CRLF1: variants seen among roughly 807,000 people sequenced by gnomAD.
CRLF1 encodes the protein cytokine receptor like factor 1.
Under a neutral mutation model 48.9 loss-of-function variants are expected in CRLF1, and 36 were observed. That is an observed-to-expected ratio of 0.74 (90% CI 0.56 to 0.97). CRLF1 has a LOEUF of 0.97. CRLF1 is among the 50% of genes least tolerant of loss of function. The pLI is 0.00. For missense variants in CRLF1, 534 were observed against 575.1 expected, an observed-to-expected ratio of 0.93 and a Z score of 0.73; for synonymous variants, 256 against 253.4, an observed-to-expected ratio of 1.01 and a Z score of -0.10.
At chr19:18,595,336 C>T (rs756429590) in intron 6 of CRLF1, among the ~76,000 whole-genome samples, 14 of 152,360 alleles carry the variant, frequency 9.2e-5, no homozygotes, top group African/African-American at 2.9e-4. Flanking sequence ...CGCTTGCTCC[C>T]GCCCACCCCT....
Position 18,596,886 on chromosome 19 carries a change from G to A in CRLF1, c.855+6C>T, listed in dbSNP as rs750546273. 1.9e-6 allele frequency: 3 copies of A among 1,613,966 alleles called. No individual in the cohort carries two copies. The highest frequency in any genetic ancestry group is 2.5e-6 in the Non-Finnish European group (3 of 1,179,958). On this transcript the variant is annotated splice_donor_region_variant and intron_variant, in intron 5 of 8. Coordinates refer to ENST00000392386, the MANE Select transcript of CRLF1 (RefSeq NM_004750.5). ...CAGGGGCGGAGTCAGGGAAGGGGAG[G>A]GTCACCTTCCAGTCCACACTGTCCT...
rs1412317031 is a variant in CRLF1 at position 18,606,512 on chromosome 19, G to T, written c.115+30C>A. ...GGGCGCCCGCCCTCTGCTCTGGCAG[G>T]GGGGAAGGAGTGGGGCGCCGGGTAC... On this transcript the variant is annotated intron_variant, in intron 1 of 8. Transcript: ENST00000392386. The surrounding 1 kb of genome is among the most constrained non-coding windows in gnomAD (Gnocchi z 4.8). The T allele has an allele frequency of 4.3e-6, 5 of 1,151,176 alleles. No individual in the cohort carries two copies. The highest frequency in any genetic ancestry group is 5.3e-6 in the Non-Finnish European group (5 of 936,534). The allele number at this position is 1,151,176 out of a possible 1,614,324, so 71.3% of individuals were successfully genotyped here.
At chr19:18,598,299 A>G in intron 4 of CRLF1, 133 bp downstream of exon 4, 1 of 942,034 alleles carries the variant, frequency 1.1e-6, no homozygotes. Context: ...AGCAGGGACA[A>G]CCCGGGAGTT....
In CRLF1 at chr19:18,606,683, G is replaced by C; in HGVS notation, c.-27C>G. 5 of 471,182 alleles carry C rather than the reference G, an allele frequency of 1.1e-5. No homozygotes were observed. The highest frequency in any genetic ancestry group is 1.4e-5 in the Non-Finnish European group (5 of 363,568). 29.2% of individuals were successfully genotyped at this position (471,182 alleles called of 1,614,324 possible). A position where few individuals can be genotyped will look rare whatever the true frequency, so the allele number is the denominator to read the frequency against. On this transcript the variant is annotated 5_prime_UTR_variant, in exon 1 of 9. Coordinates refer to ENST00000392386, the MANE Select transcript of CRLF1 (RefSeq NM_004750.5). The surrounding 1 kb of genome is among the most constrained non-coding windows in gnomAD (Gnocchi z 4.8). ...GGGCCGGCGCTGCCGGGGGCGCGCGGCGGGCTGCGGCTCGGCGGCGGTGGC... is the reference window on the plus strand; with the variant it reads ...GGGCCGGCGCTGCCGGGGGCGCGCGCCGGGCTGCGGCTCGGCGGCGGTGGC...
chr19:18,594,154 C>T, intron 7 of CRLF1, 47 bp from the exon 8 acceptor site: 1 of 1,590,590 alleles, frequency 6.3e-7, no homozygotes, highest in Non-Finnish European at 8.6e-7. Flanking sequence ...TGCAGACCTG[C>T]GTCCACAGCC....
rs774718772 is a variant in CRLF1, at chr19:18,596,941, T to C, written c.806A>G (p.Gln269Arg). Residue 269 changes from glutamine to arginine, a missense_variant, in exon 5 of 9, where the codon CAA becomes CGA. Gln to Arg is a conservative substitution (Grantham distance 43, BLOSUM62 1). Around this residue, in one of 2 missense-constraint regions of CRLF1, gnomAD observed 528 missense variants for 555.7 expected, o/e 0.95. Transcript: ENST00000392386. The part of the protein sequence containing the change: ...SPPALKDFLF[Q>R]AKYQIRYRVE... Reference sequence around the variant, plus strand: ...TCGGTAGCGGATCTGGTATTTGGCTTGAAAGAGGAAATCCTTGAGGGCGGG... The same window carrying C: ...TCGGTAGCGGATCTGGTATTTGGCTCGAAAGAGGAAATCCTTGAGGGCGGG... 1.9e-6 allele frequency: 3 copies of C among 1,613,792 alleles called. 1 individual carries two copies. The South Asian group carries it at 3.3e-5, about 18-fold the overall frequency.
At chr19:18,599,361 C>T (rs1976188023) in intron 2 of CRLF1, among the ~76,000 whole-genome samples, 1 of 152,224 alleles carries the variant, frequency 6.6e-6, no homozygotes, top group Non-Finnish European at 1.5e-5. Flanking sequence ...CCACCTCAGC[C>T]TCCCAAAGTG....
chr19:18,594,032 T>TGTGC, intron 8 of CRLF1, 33 bp downstream of exon 8: 1 of 695,812 alleles, frequency 1.4e-6, no homozygotes, highest in Non-Finnish European at 2.2e-6. Context: ...CTCCCCTTGC[T>TGTGC]CCCTCCCGCC....
chr19:18,606,481 C>T lies in CRLF1; in HGVS notation c.115+61G>A. 2 of 1,089,030 alleles carry T rather than the reference C, an allele frequency of 1.8e-6. No individual in the cohort carries two copies. Among genetic ancestry groups the T allele is most frequent in the Non-Finnish European group, 2.2e-6 (2 of 895,534 alleles). 67.5% of individuals were successfully genotyped at this position (1,089,030 alleles called of 1,614,324 possible). On this transcript the variant is annotated intron_variant, in intron 1 of 8. Coordinates refer to ENST00000392386, the MANE Select transcript of CRLF1 (RefSeq NM_004750.5). The surrounding 1 kb of genome is among the most constrained non-coding windows in gnomAD (Gnocchi z 4.8). ...CCCGCGCCCCCTCCCCCCGCGGCTG[C>T]CCCCGGGGCGCCCGCCCTCTGCTCT...
chr19:18,593,375 C>T lies in CRLF1; in HGVS notation c.*191G>A, dbSNP rs889759448. 5 of 704,722 alleles carry T rather than the reference C, an allele frequency of 7.1e-6. No individual in the cohort carries two copies. In the Admixed American group the frequency reaches 1.4e-4, roughly 19 times the overall value. The allele number at this position is 704,722 out of a possible 1,614,324, so 43.7% of individuals were successfully genotyped here. On this transcript the variant is annotated 3_prime_UTR_variant, in exon 9 of 9. Transcript: ENST00000392386. ...CCAACCCTCACACACACACACACAC[C>T]CACTGGGGTGCACCCAAAGGTGGCC...
Position 18,598,759 on chromosome 19 carries a change from G to A in CRLF1, c.527+13C>T. Reference sequence around the variant, plus strand: ...GCCTGGGACACACACATCGCCCTCAGGCCACCACCAACCTAAGCTTGTACT... The same window carrying A: ...GCCTGGGACACACACATCGCCCTCAAGCCACCACCAACCTAAGCTTGTACT... On this transcript the variant is annotated intron_variant, in intron 3 of 8. Transcript: ENST00000392386. 1 of 1,614,124 alleles carries A rather than the reference G, an allele frequency of 6.2e-7. No individual in the cohort carries two copies. The highest frequency in any genetic ancestry group is 8.5e-7 in the Non-Finnish European group (1 of 1,179,988).
intron 1 of CRLF1, among the ~76,000 whole-genome samples, chr19:18,605,741 C>T (rs1013197037): frequency 6.6e-6 from 1 of 152,076 alleles, no homozygotes; most frequent in Non-Finnish European, 1.5e-5. Context: ...GGATGGGGGG[C>T]CCCAGAGTGC....
chr19:18,601,043 C>T (rs963528029), intron 1 of CRLF1, among the ~76,000 whole-genome samples: 5 of 151,846 alleles, frequency 3.3e-5, no homozygotes, highest in East Asian at 2.0e-4. Context: ...TGGCCTCAAG[C>T]GATCCTCCCA....
rs188747632 is a variant in CRLF1, at chr19:18,606,485, C to A, written c.115+57G>T. On this transcript the variant is annotated intron_variant, in intron 1 of 8. Transcript: ENST00000392386. This position sits in a 1 kb window ranked among gnomAD's most constrained non-coding sequence, Gnocchi z 4.8. The stretch of plus-strand genomic sequence containing the variant: ...CGCCCCCTCCCCCCGCGGCTGCCCC[C>A]GGGGCGCCCGCCCTCTGCTCTGGCA... The A allele has an allele frequency of 6.0e-3, 6,575 of 1,097,460 alleles. 290 individuals carry two copies. In the African/African-American group the frequency reaches 0.092, roughly 15 times the overall value. 68.0% of individuals were successfully genotyped at this position (1,097,460 alleles called of 1,614,324 possible).
chr19:18,604,027 G>A (rs543919591), intron 1 of CRLF1, among the ~76,000 whole-genome samples: 1 of 152,306 alleles, frequency 6.6e-6, no homozygotes, highest in East Asian at 1.9e-4. Context: ...CTTCCTGCCT[G>A]GGCCCCCCCA....
chr19:18,593,414 A>C lies in CRLF1; in HGVS notation c.*152T>G. ...CCAAAGGTGGCCTCACGTGGGAGTC[A>C]GAGCTGTTATGGCCGTTGGAGCTCA... On this transcript the variant is annotated 3_prime_UTR_variant, in exon 9 of 9. Coordinates refer to ENST00000392386, the MANE Select transcript of CRLF1 (RefSeq NM_004750.5). 26 of 1,070,470 alleles carry C rather than the reference A, an allele frequency of 2.4e-5. No homozygotes were observed. The highest frequency in any genetic ancestry group is 3.1e-5 in the Non-Finnish European group (23 of 737,046). 66.3% of individuals were successfully genotyped at this position (1,070,470 alleles called of 1,614,324 possible). A position where few individuals can be genotyped will look rare whatever the true frequency, so the allele number is the denominator to read the frequency against.
chr19:18,593,421 T>C lies in CRLF1; in HGVS notation c.*145A>G. 1 of 1,148,522 alleles carries C rather than the reference T, an allele frequency of 8.7e-7. No individual in the cohort carries two copies. The highest frequency in any genetic ancestry group is 1.5e-5 in the African/African-American group (1 of 64,628). The allele number at this position is 1,148,522 out of a possible 1,614,324, so 71.1% of individuals were successfully genotyped here. On this transcript the variant is annotated 3_prime_UTR_variant, in exon 9 of 9. Transcript: ENST00000392386. ...TGGCCTCACGTGGGAGTCAGAGCTG[T>C]TATGGCCGTTGGAGCTCAGGGGCCA...
At chr19:18,603,228 GAATA>G (rs906367870) in intron 1 of CRLF1, among the ~76,000 whole-genome samples, 2 of 152,242 alleles carry the variant, frequency 1.3e-5, no homozygotes, top group Non-Finnish European at 2.9e-5. Context: ...CAGGAAAAAG[GAATA>G]AATAAATATC....
chr19:18,597,447 T>TTTTTTTTTTTTGC (rs71166529), intron 4 of CRLF1, among the ~76,000 whole-genome samples: 1 of 128,178 alleles, frequency 7.8e-6, no homozygotes, highest in Admixed American at 7.5e-5. Context: ...TTTTTTTTTT[T>TTTTTTTTTTTTGC]GAGACGGAGT....
Sources: gnomAD v4.1 joint callset for allele counts (sites outside exome capture counted in the v4.1 genomes callset) on GRCh38, gnomAD v4.1.1 for gene constraint, gnomAD v4.1.1 regional missense constraint, Gnocchi (gnomAD v3.1) non-coding constraint, MANE v1.5 for transcripts, NCBI Gene and HGNC (gene_info 2026-07-23, HGNC 2026-07-21) for gene names.